The following NIBAN2 variants were observed in gnomAD, a reference collection of about 807,000 sequenced individuals.
NIBAN2 encodes protein Niban 2.
In NIBAN2, 36 loss-of-function variants were observed where a neutral mutation model predicts 81.8. The observed-to-expected ratio is 0.44, with a 90% CI of 0.34 to 0.58. NIBAN2 has a LOEUF of 0.58. Among genes scored for constraint, NIBAN2 ranks in the 20% least tolerant of loss-of-function variants. The pLI is 0.02. For missense variants in NIBAN2, 897 were observed against 1,014.1 expected (o/e 0.88, Z 1.57); for synonymous variants, 445 against 441.6 (o/e 1.01, Z -0.10).
chr9:127,571,362 C>T (rs1439812483), upstream of NIBAN2, among the ~76,000 whole-genome samples: 1 of 152,148 alleles, frequency 6.6e-6, no homozygotes, highest in Non-Finnish European at 1.5e-5. Flanking sequence ...CCTAATCCAT[C>T]TGAGCATCCA....
chr9:127,508,157 C>T lies in NIBAN2; in HGVS notation c.1478G>A (p.Arg493Gln), dbSNP rs778602006. The T allele has an allele frequency of 6.2e-6, 10 of 1,613,670 alleles. No homozygotes were observed. The highest frequency in any genetic ancestry group is 2.2e-5 in the East Asian group (1 of 44,892). The change falls in exon 12 of 14, where the codon CGG (arginine) becomes CAG (glutamine). Residue 493 changes from arginine (R) to glutamine (Q), a missense_variant. Physicochemically the swap from Arg to Gln is conservative, Grantham distance 43 (BLOSUM62 1). Coordinates refer to ENST00000373312, the MANE Select transcript of NIBAN2 (RefSeq NM_022833.4). The surrounding 1 kb of genome is among the most constrained non-coding windows in gnomAD (Gnocchi z 6.4). Reference sequence around the variant, plus strand: ...GATGCTGATCTGCAGCAGCGCCTCCCGGAAGAACCTCTTCCGCACAGAGCT... The same window carrying T: ...GATGCTGATCTGCAGCAGCGCCTCCTGGAAGAACCTCTTCCGCACAGAGCT... ...DSSSVRKRFFREALLQISIPF... is the reference protein window; with the variant it reads ...DSSSVRKRFFQEALLQISIPF...
In NIBAN2 at chr9:127,531,785, G is replaced by A. The variant is rs370874778; in HGVS notation, c.56-7C>T. The A allele has an allele frequency of 6.8e-6, 11 of 1,614,032 alleles. No homozygotes were observed. Among genetic ancestry groups the A allele is most frequent in the Middle Eastern group, 1.6e-4 (1 of 6,084 alleles). On this transcript the variant is annotated splice_polypyrimidine_tract_variant and splice_region_variant and intron_variant, in intron 1 of 13. Coordinates refer to ENST00000373312, the MANE Select transcript of NIBAN2 (RefSeq NM_022833.4). ...AGGATCTTCCCGGTTTTTTCTGGAA[G>A]AGAAGGACAAGCAGGAGCTTGAGGT...
At position 127,508,605 on chromosome 9, in the gene NIBAN2, A is replaced by C; in HGVS notation, c.1318-67T>G. 1 of 1,336,900 alleles carries C rather than the reference A, an allele frequency of 7.5e-7. No homozygotes were observed. Among genetic ancestry groups the C allele is most frequent in the Non-Finnish European group, 1.1e-6 (1 of 934,180 alleles). 82.8% of individuals were successfully genotyped at this position (1,336,900 alleles called of 1,614,324 possible). A position where few individuals can be genotyped will look rare whatever the true frequency, so the allele number is the denominator to read the frequency against. On this transcript the variant is annotated intron_variant, in intron 10 of 13. Coordinates refer to ENST00000373312, the MANE Select transcript of NIBAN2 (RefSeq NM_022833.4). This position sits in a 1 kb window ranked among gnomAD's most constrained non-coding sequence, Gnocchi z 6.4. ...CACAGCCCCTTCCTGGGTGCCGCTGAGGGGTCCTCATCCTCAACCAGCCCC... is the reference window on the plus strand; with the variant it reads ...CACAGCCCCTTCCTGGGTGCCGCTGCGGGGTCCTCATCCTCAACCAGCCCC...
At chr9:127,535,848 G>A (rs1008581851) in intron 1 of NIBAN2, among the ~76,000 whole-genome samples, 1 of 151,992 alleles carries the variant, frequency 6.6e-6, no homozygotes, top group Non-Finnish European at 1.5e-5. Context: ...GGGAGGAATA[G>A]TGGGGGTTTG....
intron 1 of NIBAN2, among the ~76,000 whole-genome samples, chr9:127,556,222 A>G (rs952268482): frequency 1.4e-4 from 22 of 152,102 alleles, no homozygotes; most frequent in Admixed American, 4.6e-4. Flanking sequence ...GGAGGAAGGA[A>G]GTTGTGGATG....
At chr9:127,571,709 C>CAA (rs556543079), upstream of NIBAN2, among the ~76,000 whole-genome samples, 69 of 69,956 alleles carry the variant, frequency 9.9e-4, no homozygotes, top group Non-Finnish European at 1.3e-3. Context: ...AAAACAAAAC[C>CAA]AAAGAAAAAA....
At chr9:127,528,335 T>A (rs1837116181) in intron 2 of NIBAN2, among the ~76,000 whole-genome samples, 1 of 152,192 alleles carries the variant, frequency 6.6e-6, no homozygotes, top group South Asian at 2.1e-4. Flanking sequence ...GGCTTCGTCT[T>A]GGATGGGAGG....
In NIBAN2 at chr9:127,507,012, A is replaced by G; in HGVS notation, c.2074T>C (p.Ser692Pro). The G allele has an allele frequency of 6.3e-7, 1 of 1,594,062 alleles. No homozygotes were observed. Among genetic ancestry groups the G allele is most frequent in the Middle Eastern group, 1.8e-4 (1 of 5,638 alleles). The change falls in exon 14 of 14, where the codon TCG (serine) becomes CCG (proline). Residue 692 changes from serine to proline, a missense_variant. Physicochemically the swap from Ser to Pro is moderately conservative, Grantham distance 74. Coordinates refer to ENST00000373312, the MANE Select transcript of NIBAN2 (RefSeq NM_022833.4). This position sits in a 1 kb window ranked among gnomAD's most constrained non-coding sequence, Gnocchi z 6.8. ...PQPKAAPEAS[S>P]PPASPLQHLL... ...TGCTGGAGGGGTGAGGCAGGCGGCG[A>G]GGAGGCCTCGGGGGCGGCCTTAGGC... is the stretch of plus-strand genomic sequence containing the variant.
intron 1 of NIBAN2, among the ~76,000 whole-genome samples, chr9:127,535,261 CACA>C (rs1229649147): frequency 7.2e-5 from 11 of 151,878 alleles, no homozygotes; most frequent in African/African-American, 2.7e-4. Context: ...AGGACTCGAA[CACA>C]GGTCTGCCTG....
At chr9:127,516,504 G>A (rs144979860) in intron 8 of NIBAN2, among the ~76,000 whole-genome samples, 67 of 152,316 alleles carry the variant, frequency 4.4e-4, no homozygotes, top group African/African-American at 1.5e-3. Flanking sequence ...AGCTGAGATC[G>A]CACCACTACA....
chr9:127,565,777 T>A (rs1837846863), intron 1 of NIBAN2, among the ~76,000 whole-genome samples: 1 of 105,144 alleles, frequency 9.5e-6, no homozygotes, highest in Non-Finnish European at 1.9e-5. Context: ...AGTGAGACTC[T>A]GTCTCAAAAA....
At chr9:127,531,549 A>T in intron 2 of NIBAN2, 99 bp downstream of exon 2, 3 of 1,198,878 alleles carry the variant, frequency 2.5e-6, no homozygotes, top group Non-Finnish European at 3.5e-6. Context: ...CCATCACAGT[A>T]ACAATGGGAA....
chr9:127,517,305 C>T lies in NIBAN2; in HGVS notation c.706-89G>A, dbSNP rs1292480939. 4.7e-6 allele frequency: 5 copies of T among 1,066,908 alleles called. No individual in the cohort carries two copies. Among genetic ancestry groups the T allele is most frequent in the South Asian group, 2.8e-5 (2 of 70,622 alleles). The allele number at this position is 1,066,908 out of a possible 1,614,324, so 66.1% of individuals were successfully genotyped here. A position where few individuals can be genotyped will look rare whatever the true frequency, so the allele number is the denominator to read the frequency against. On this transcript the variant is annotated intron_variant, in intron 6 of 13. Transcript: ENST00000373312. This position sits in a 1 kb window ranked among gnomAD's most constrained non-coding sequence, Gnocchi z 4.0. ...TGCATTCCCACAAGCCAGGCCGCTG[C>T]AGCCCCCACCTCCTCCGCGACTGGC...
At chr9:127,510,401 A>T in intron 8 of NIBAN2, 68 bp from the exon 9 acceptor site, 4 of 1,177,538 alleles carry the variant, frequency 3.4e-6, no homozygotes, top group East Asian at 2.4e-5. Flanking sequence ...CCCAGAGCCC[A>T]GGTGCTGGAG....
At chr9:127,509,872 T>G in intron 9 of NIBAN2, 1 of 137,160 alleles carries the variant, frequency 7.3e-6, no homozygotes, top group African/African-American at 2.8e-5. Context: ...TTCCCTCTCT[T>G]CTGTTAAATT....
At chr9:127,522,775 G>A (rs1172431029) in intron 5 of NIBAN2, among the ~76,000 whole-genome samples, 1 of 152,086 alleles carries the variant, frequency 6.6e-6, no homozygotes, top group East Asian at 1.9e-4. Flanking sequence ...TCAGGTCTGG[G>A]ACTTCTCCTT....
intron 1 of NIBAN2, 137 bp downstream of exon 1, chr9:127,568,683 G>C (rs1053702004): frequency 1.5e-5 from 11 of 729,670 alleles, no homozygotes; most frequent in Admixed American, 9.6e-5. Flanking sequence ...CGCGGGGCAC[G>C]CTCCCTGGCA....
At chr9:127,571,126 G>A (rs1025903145), upstream of NIBAN2, among the ~76,000 whole-genome samples, 1 of 152,212 alleles carries the variant, frequency 6.6e-6, no homozygotes, top group African/African-American at 2.4e-5. Flanking sequence ...CCTAGGCCAG[G>A]GGGGTTAGAG....
intron 1 of NIBAN2, among the ~76,000 whole-genome samples, chr9:127,552,134 G>A (rs757833944): frequency 6.6e-6 from 1 of 152,218 alleles, no homozygotes. Flanking sequence ...CCAAGAGGTT[G>A]AGGACCATGG....
Sources: gnomAD v4.1 joint callset for allele counts (sites outside exome capture counted in the v4.1 genomes callset) on GRCh38, gnomAD v4.1.1 for gene constraint, Gnocchi (gnomAD v3.1) non-coding constraint, MANE v1.5 for transcripts, NCBI Gene and HGNC (gene_info 2026-07-23, HGNC 2026-07-21) for gene names.